RBM22: variants seen among roughly 807,000 people sequenced by gnomAD.
RBM22 encodes the protein RNA binding motif protein 22, also known as pre-mRNA-splicing factor RBM22.
In RBM22, 1 loss-of-function variant was observed where a neutral mutation model predicts 50.1. The ratio of observed to expected loss-of-function variants is 0.02; its 90% CI spans 0.01 to 0.09. The LOEUF is 0.09. Ranked by LOEUF, RBM22 falls within the 10% of genes least tolerant of loss-of-function variation. RBM22 has a pLI of 1.00. For synonymous variants in RBM22, 152 were observed against 179.0 expected, an observed-to-expected ratio of 0.85 and a Z score of 1.20; for missense variants, 264 against 529.3, an observed-to-expected ratio of 0.50 and a Z score of 4.92.
intron 1 of RBM22, 114 bp downstream of exon 1, chr5:150,700,818 C>G (rs1367847154): frequency 6.2e-7 from 1 of 1,603,118 alleles, no homozygotes; most frequent in African/African-American, 1.3e-5. Flanking sequence ...GCTAGGCCGC[C>G]GCGCTGGCTC....
At chr5:150,697,134 C>A (rs938479453) in intron 4 of RBM22, among the ~76,000 whole-genome samples, 1 of 152,160 alleles carries the variant, frequency 6.6e-6, no homozygotes, top group Admixed American at 6.6e-5. Context: ...TAGAAAAAAT[C>A]TTTTAGGCTG....
At chr5:150,700,766 A>G in intron 1 of RBM22, 166 bp downstream of exon 1, 1 of 1,549,268 alleles carries the variant, frequency 6.5e-7, no homozygotes, top group Non-Finnish European at 8.7e-7. Context: ...CCTCCCTTCA[A>G]GCCCGCAGGA....
chr5:150,693,422 ACT>A (rs1759235311), intron 8 of RBM22, 115 bp from the exon 9 acceptor site: 1 of 767,730 alleles, frequency 1.3e-6, no homozygotes, highest in South Asian at 1.7e-5. Context: ...CTCAGCACAC[ACT>A]CTTTTCCCAT....
At chr5:150,699,709 C>G (rs1024623639) in intron 2 of RBM22, among the ~76,000 whole-genome samples, 1 of 152,208 alleles carries the variant, frequency 6.6e-6, no homozygotes, top group Non-Finnish European at 1.5e-5. Context: ...TTTTGGCTCC[C>G]AAGTTCACTC....
Position 150,693,373 on chromosome 5 carries a change from A to G in RBM22, c.912-66T>C, listed in dbSNP as rs527411182. ...CTTATCTCACACCTCTGCTTCTTACATTCCCCAGTCCAATGGAGTTCCTTC... is the reference window on the plus strand; with the variant it reads ...CTTATCTCACACCTCTGCTTCTTACGTTCCCCAGTCCAATGGAGTTCCTTC... On this transcript the variant is annotated intron_variant, in intron 8 of 10. Transcript: ENST00000199814. 1,321 of 1,289,632 alleles carry G rather than the reference A, an allele frequency of 1.0e-3. 12 individuals carry two copies. The highest frequency in any genetic ancestry group is 9.1e-3 in the South Asian group (742 of 81,296). 79.9% of individuals were successfully genotyped at this position (1,289,632 alleles called of 1,614,324 possible). A position where few individuals can be genotyped will look rare whatever the true frequency, so the allele number is the denominator to read the frequency against.
At chr5:150,700,601 G>A in intron 1 of RBM22, 104 bp from the exon 2 acceptor site, 1 of 1,573,964 alleles carries the variant, frequency 6.4e-7, no homozygotes, top group Non-Finnish European at 8.6e-7. Flanking sequence ...TGGGGAACTA[G>A]GCACGGCAGG....
At chr5:150,695,471 A>G (rs900494633) in intron 7 of RBM22, 35 bp downstream of exon 7, 1 of 1,532,176 alleles carries the variant, frequency 6.5e-7, no homozygotes, top group Non-Finnish European at 9.0e-7. Context: ...GGGCAGTTAA[A>G]GGCAAAAATA....
intron 9 of RBM22, 37 bp downstream of exon 9, chr5:150,693,182 A>T (rs1429282448): frequency 6.3e-7 from 1 of 1,588,200 alleles, no homozygotes; most frequent in South Asian, 1.1e-5. Context: ...ATCAGGGCAG[A>T]AAGAGCTTCT....
At chr5:150,697,700 T>C in intron 4 of RBM22, 1 of 332,072 alleles carries the variant, frequency 3.0e-6, no homozygotes, top group Non-Finnish European at 5.8e-6. Flanking sequence ...GTAACTCTAA[T>C]GAACTTAACA....
chr5:150,693,827 T>A (rs562571509), intron 8 of RBM22, among the ~76,000 whole-genome samples: 2 of 152,230 alleles, frequency 1.3e-5, no homozygotes, highest in Non-Finnish European at 2.9e-5. Flanking sequence ...TGGCCTATAA[T>A]AGCTAGTCAC....
chr5:150,693,171 C>T lies in RBM22; in HGVS notation c.1000+48G>A, dbSNP rs754348629. 7.6e-6 allele frequency: 12 copies of T among 1,575,372 alleles called. No homozygotes were observed. In the South Asian group the frequency reaches 1.3e-4, roughly 16 times the overall value. On this transcript the variant is annotated intron_variant, in intron 9 of 10. Coordinates refer to ENST00000199814, the MANE Select transcript of RBM22 (RefSeq NM_018047.3). ...TGGGTCCCATCTTCCAAAATAGGAA[C>T]ATCAGGGCAGAAAGAGCTTCTGAAG...
In RBM22 at chr5:150,696,065, T is replaced by G. The variant is rs772969160; in HGVS notation, c.546-359A>C. ...ACACATTTGGGGTGCTGTATTCCACTGAGAATCTGATTAAAGCTATGAACC... is the reference window on the plus strand; with the variant it reads ...ACACATTTGGGGTGCTGTATTCCACGGAGAATCTGATTAAAGCTATGAACC... On this transcript the variant is annotated intron_variant, in intron 6 of 10. Transcript: ENST00000199814. The surrounding 1 kb of genome is among the most constrained non-coding windows in gnomAD (Gnocchi z 4.3). Among the ~76,000 whole-genome samples the G allele has an allele frequency of 2.0e-5, 3 of 150,720 alleles. No homozygotes were observed. Among genetic ancestry groups the G allele is most frequent in the Non-Finnish European group, 4.4e-5 (3 of 67,766 alleles).
intron 1 of RBM22, 164 bp downstream of exon 1, chr5:150,700,768 C>G: frequency 6.4e-7 from 1 of 1,550,492 alleles, no homozygotes; most frequent in Non-Finnish European, 8.7e-7. Context: ...TCCCTTCAAG[C>G]CCGCAGGAGG....
In RBM22 at chr5:150,701,003, G is replaced by A; in HGVS notation, c.-18C>T. The A allele has an allele frequency of 1.2e-6, 2 of 1,614,186 alleles. No homozygotes were observed. The highest frequency in any genetic ancestry group is 1.7e-6 in the Non-Finnish European group (2 of 1,180,034). On this transcript the variant is annotated 5_prime_UTR_variant, in exon 1 of 11. Coordinates refer to ENST00000199814, the MANE Select transcript of RBM22 (RefSeq NM_018047.3). Reference sequence around the variant, plus strand: ...GTCGCCATCTTGAGAGCGTCCGGAGGTAGCTGTAGCTTCCGAATTGGGAGA... The same window carrying A: ...GTCGCCATCTTGAGAGCGTCCGGAGATAGCTGTAGCTTCCGAATTGGGAGA...
At position 150,691,697 on chromosome 5, in the gene RBM22, C is replaced by A. The variant is rs1759211093; in HGVS notation, c.*54G>T. On this transcript the variant is annotated 3_prime_UTR_variant, in exon 11 of 11. Transcript: ENST00000199814. ...AAAAATATATTTATTCCAAGATTTA[C>A]TGGGAGTTTTAAGTGCCCTTTCTTC... The A allele has an allele frequency of 7.0e-7, 1 of 1,426,820 alleles. No homozygotes were observed. Among genetic ancestry groups the A allele is most frequent in the Non-Finnish European group, 9.3e-7 (1 of 1,078,156 alleles). 88.4% of individuals were successfully genotyped at this position (1,426,820 alleles called of 1,614,324 possible).
In RBM22 at chr5:150,694,238, T is replaced by A; in HGVS notation, c.749A>T (p.Asn250Ile). Residue 250 changes from asparagine (N) to isoleucine (I), a missense_variant and splice_region_variant, in exon 8 of 11, where the codon AAT (asparagine) becomes ATT (isoleucine). Around this residue, in one of 7 missense-constraint regions of RBM22, gnomAD observed 62 missense variants for 102.6 expected, o/e 0.60. Coordinates refer to ENST00000199814, the MANE Select transcript of RBM22 (RefSeq NM_018047.3). The stretch of plus-strand genomic sequence containing the variant: ...GATCTCTCCGAACTGGTAGAAATGA[T>A]TTCTGAAGGGAAACAGGCAGAGAAA... Reference protein sequence around the residue: ...GDTITETDLRNHFYQFGEIRT... With the variant: ...GDTITETDLRIHFYQFGEIRT... The A allele has an allele frequency of 6.2e-7, 1 of 1,607,574 alleles. No homozygotes were observed. The highest frequency in any genetic ancestry group is 8.5e-7 in the Non-Finnish European group (1 of 1,176,814).
Position 150,691,679 on chromosome 5 carries a change from T to C in RBM22, c.*72A>G. ...GGAAACTACAAGGGAAGGAAAAATA[T>C]ATTTATTCCAAGATTTACTGGGAGT... is the stretch of plus-strand genomic sequence containing the variant. On this transcript the variant is annotated 3_prime_UTR_variant, in exon 11 of 11. Transcript: ENST00000199814. 7.1e-7 allele frequency: 1 copy of C among 1,401,094 alleles called. No homozygotes were observed. The highest frequency in any genetic ancestry group is 2.3e-4 in the Middle Eastern group (1 of 4,292). 86.8% of individuals were successfully genotyped at this position (1,401,094 alleles called of 1,614,324 possible).
In RBM22 at chr5:150,694,451, G is replaced by A. The variant is rs1191116422; in HGVS notation, c.747-211C>T. 5.5e-6 allele frequency: 4 copies of A among 733,380 alleles called. 1 individual carries two copies. The South Asian group carries it at 1.3e-4, about 23-fold the overall frequency. 45.4% of individuals were successfully genotyped at this position (733,380 alleles called of 1,614,324 possible). On this transcript the variant is annotated intron_variant, in intron 7 of 10. Transcript: ENST00000199814. ...GAAAGAAAAATAATGAGTAAATAAAGGTTCTCAAACATCTCAGGGTTTTTT... is the reference window on the plus strand; with the variant it reads ...GAAAGAAAAATAATGAGTAAATAAAAGTTCTCAAACATCTCAGGGTTTTTT...
chr5:150,699,336 T>C (rs1759315413), intron 2 of RBM22, 65 bp from the exon 3 acceptor site: 2 of 1,503,280 alleles, frequency 1.3e-6, no homozygotes, highest in Non-Finnish European at 1.8e-6. Flanking sequence ...ATGTCTACTC[T>C]TTCCTTAAAC....
Sources: gnomAD v4.1 joint callset for allele counts (sites outside exome capture counted in the v4.1 genomes callset) on GRCh38, gnomAD v4.1.1 for gene constraint, gnomAD v4.1.1 regional missense constraint, Gnocchi (gnomAD v3.1) non-coding constraint, MANE v1.5 for transcripts, NCBI Gene and HGNC (gene_info 2026-07-23, HGNC 2026-07-21) for gene names.